Variants in P2RY6 observed in about 807,000 individuals in gnomAD.
P2RY6 encodes the protein pyrimidinergic receptor P2Y6.
A neutral mutation model predicts 16.3 loss-of-function variants in P2RY6; 19 were observed. The observed-to-expected ratio is 1.16, with a 90% CI of 0.81 to 1.71. P2RY6 has a LOEUF of 1.71. P2RY6 is among the 40% of genes most tolerant of loss of function. The pLI is 0.00. For missense variants in P2RY6, 389 were observed against 455.5 expected (o/e 0.85, Z 1.33); for synonymous variants, 184 against 201.5 (o/e 0.91, Z 0.74).
intron 1 of P2RY6, among the ~76,000 whole-genome samples, chr11:73,291,289 C>G (rs1864235578): frequency 6.6e-6 from 1 of 152,230 alleles, no homozygotes; most frequent in African/African-American, 2.4e-5. Context: ...GCTTCTTACC[C>G]AAGCCTTGCC....
At chr11:73,279,273 C>T (rs1477027189) in intron 1 of P2RY6, among the ~76,000 whole-genome samples, 2 of 152,076 alleles carry the variant, frequency 1.3e-5, no homozygotes, top group African/African-American at 4.8e-5. Context: ...GATATTAATA[C>T]CTTATCAGAC....
chr11:73,296,383 T>G (rs1169087695), intron 2 of P2RY6, 102 bp from the exon 3 acceptor site: 1 of 1,018,462 alleles, frequency 9.8e-7, no homozygotes, highest in Non-Finnish European at 1.5e-6. Flanking sequence ...ACAAAGTTAG[T>G]GCCCTCACTG....
upstream of P2RY6, among the ~76,000 whole-genome samples, chr11:73,269,686 T>A (rs1307864746): frequency 6.6e-6 from 1 of 152,208 alleles, no homozygotes; most frequent in Non-Finnish European, 1.5e-5. Flanking sequence ...ATGCGCATCT[T>A]CCAGCACAGG....
chr11:73,282,646 T>C (rs1175243550), intron 1 of P2RY6, among the ~76,000 whole-genome samples: 1 of 152,194 alleles, frequency 6.6e-6, no homozygotes, highest in East Asian at 1.9e-4. Context: ...CAGAGACCCA[T>C]GTTTCTACAT....
At chr11:73,293,336 A>G (rs535047956) in intron 1 of P2RY6, among the ~76,000 whole-genome samples, 167 of 152,254 alleles carry the variant, frequency 1.1e-3, no homozygotes, top group African/African-American at 3.9e-3. Context: ...ATAGGACTGG[A>G]GGGCTTGGCA....
rs112282875 is a variant in P2RY6 at position 73,296,804 on chromosome 11, G to A, written c.286G>A (p.Asp96Asn). The change falls in exon 3 of 3, where the codon GAC becomes AAC. Residue 96 changes from aspartate (D) to asparagine (N), a missense_variant. Physicochemically the swap from Asp to Asn is conservative, Grantham distance 23. Transcript: ENST00000540124. ...YAQGDHWPFG[D>N]FACRLVRFLF... ...CCAAGGTGATCACTGGCCCTTTGGC[G>A]ACTTCGCCTGCCGCCTGGTCCGCTT... 21 of 1,610,652 alleles carry A rather than the reference G, an allele frequency of 1.3e-5. No individual in the cohort carries two copies. The highest frequency in any genetic ancestry group is 9.9e-5 in the South Asian group (9 of 91,094).
At chr11:73,293,883 A>C (rs1185350063) in intron 1 of P2RY6, among the ~76,000 whole-genome samples, 1 of 151,992 alleles carries the variant, frequency 6.6e-6, no homozygotes, top group African/African-American at 2.4e-5. Context: ...TCCCAAAGGG[A>C]GGTTGAGGGA....
intron 1 of P2RY6, chr11:73,292,880 A>G: frequency 5.1e-6 from 5 of 983,130 alleles, no homozygotes; most frequent in Non-Finnish European, 6.0e-6. Context: ...GCCCCAACAC[A>G]CTTGGGACCA....
intron 1 of P2RY6, among the ~76,000 whole-genome samples, chr11:73,272,686 G>A (rs941133207): frequency 6.6e-6 from 1 of 152,218 alleles, no homozygotes; most frequent in South Asian, 2.1e-4. Flanking sequence ...CGGGGTCAGT[G>A]GGGGCGGGGA....
In P2RY6 at chr11:73,297,245, G is replaced by T; in HGVS notation, c.727G>T (p.Val243Leu). Reference protein sequence around the residue: ...RRGKAARMAVVVAAAFAISFL... With the variant: ...RRGKAARMAVLVAAAFAISFL... ...TGGCAAGGCGGCCCGCATGGCCGTG[G>T]TGGTGGCTGCTGCCTTTGCCATCAG... Residue 243 changes from valine (V) to leucine (L), a missense_variant, in exon 3 of 3, where the codon GTG (valine) becomes TTG (leucine). Val to Leu is a conservative substitution (Grantham distance 32, BLOSUM62 1). Coordinates refer to ENST00000540124, the MANE Select transcript of P2RY6 (RefSeq NM_001277204.2). 1.2e-6 allele frequency: 2 copies of T among 1,604,772 alleles called. No homozygotes were observed. The highest frequency in any genetic ancestry group is 8.5e-7 in the Non-Finnish European group (1 of 1,179,622).
intron 1 of P2RY6, among the ~76,000 whole-genome samples, chr11:73,284,816 A>G (rs1863902815): frequency 6.6e-6 from 1 of 152,186 alleles, no homozygotes; most frequent in African/African-American, 2.4e-5. Context: ...AAGTACATGC[A>G]GCAGTGAAAA....
chr11:73,296,233 A>ATATATAT lies in P2RY6; in HGVS notation c.-34-252_-34-251insTATATAT, dbSNP rs1554992361. Reference sequence around the variant, plus strand: ...CTAGGAAGGCTGAAGGAAAAAAAAAAATATATATATATATATATATATATA... The same window carrying ATATATAT: ...CTAGGAAGGCTGAAGGAAAAAAAAAATATATATATATATATATATATATATATATATA... On this transcript the variant is annotated intron_variant, in intron 2 of 2. Coordinates refer to ENST00000540124, the MANE Select transcript of P2RY6 (RefSeq NM_001277204.2). Among the ~76,000 whole-genome samples the ATATATAT allele has an allele frequency of 1.6e-3, 195 of 124,446 alleles. 1 individual carries two copies. The highest frequency in any genetic ancestry group is 5.7e-3 in the African/African-American group (162 of 28,382). 81.6% of individuals were successfully genotyped at this position (124,446 alleles called of 152,430 possible). A position where few individuals can be genotyped will look rare whatever the true frequency, so the allele number is the denominator to read the frequency against.
chr11:73,264,863 A>T lies in P2RY6; in HGVS notation c.-281+214A>T, dbSNP rs552028089. Among the ~76,000 whole-genome samples, 6 of 152,328 alleles carry T rather than the reference A, an allele frequency of 3.9e-5. No individual in the cohort carries two copies. In the East Asian group the frequency reaches 9.6e-4, roughly 24 times the overall value. On this transcript the variant is annotated intron_variant, in intron 1 of 3. Coordinates refer to the P2RY6 transcript ENST00000349767. ...GAGCAAGACTCCGTCTAAAAAAAAA[A>T]AGAAATTACTGTGAGCAATGGGTTA...
rs773277396 is a variant in P2RY6 at position 73,296,978 on chromosome 11, G to A, written c.460G>A (p.Ala154Thr). Residue 154 changes from alanine to threonine, a missense_variant, in exon 3 of 3, where the codon GCC becomes ACC. Transcript: ENST00000540124. ...GCTAGTGTGTGTAGCCGTGTGGCTG[G>A]CCGTGACAACCCAGTGCCTGCCCAC... ...AWLVCVAVWL[A>T]VTTQCLPTAI... 6 of 1,602,272 alleles carry A rather than the reference G, an allele frequency of 3.7e-6. No individual in the cohort carries two copies. The Admixed American group carries it at 5.0e-5, about 13-fold the overall frequency.
intron 1 of P2RY6, among the ~76,000 whole-genome samples, chr11:73,273,978 G>A (rs773736165): frequency 2.0e-5 from 3 of 152,154 alleles, no homozygotes; most frequent in Non-Finnish European, 2.9e-5. Context: ...TGGGACTACA[G>A]GCATGTATCA....
chr11:73,290,371 G>C (rs1010886689), intron 1 of P2RY6, among the ~76,000 whole-genome samples: 1 of 150,344 alleles, frequency 6.7e-6, no homozygotes, highest in Non-Finnish European at 1.5e-5. Flanking sequence ...AAGAAGGAAA[G>C]AAAGAGAAAG....
At chr11:73,276,721 G>T (rs7950405) in intron 1 of P2RY6, among the ~76,000 whole-genome samples, 3 of 152,170 alleles carry the variant, frequency 2.0e-5, no homozygotes, top group Non-Finnish European at 4.4e-5. Context: ...AAGGAATGGG[G>T]AGTAACTGCT....
At chr11:73,290,500 G>C (rs1358635972) in intron 1 of P2RY6, among the ~76,000 whole-genome samples, 1 of 152,242 alleles carries the variant, frequency 6.6e-6, no homozygotes, top group African/African-American at 2.4e-5. Context: ...GGAGGTTCAT[G>C]ATGGGCCAGC....
At chr11:73,285,380 G>A (rs1863929900) in intron 1 of P2RY6, among the ~76,000 whole-genome samples, 1 of 152,204 alleles carries the variant, frequency 6.6e-6, no homozygotes, top group Non-Finnish European at 1.5e-5. Context: ...GGCCTGTCCT[G>A]TGTTCTTCAT....
Sources: gnomAD v4.1 joint callset for allele counts (sites outside exome capture counted in the v4.1 genomes callset) on GRCh38, gnomAD v4.1.1 for gene constraint, MANE v1.5 for transcripts, NCBI Gene and HGNC (gene_info 2026-07-23, HGNC 2026-07-21) for gene names.